PACRG: variants seen among roughly 807,000 people sequenced by gnomAD.
The protein encoded by PACRG is parkin coregulated gene protein.
PACRG carries 29 observed loss-of-function variants against 29.7 expected under a neutral mutation model. The ratio of observed to expected loss-of-function variants is 0.98; its 90% CI spans 0.73 to 1.33. The LOEUF (loss-of-function observed/expected upper bound fraction) is 1.33, where lower values mean the gene tolerates loss of function less well. PACRG is among the 40% of genes most tolerant of loss of function. The pLI, the probability that PACRG is intolerant of heterozygous loss-of-function variation, is 0.00. For missense variants in PACRG, 279 were observed against 316.2 expected (o/e 0.88, Z 0.89); for synonymous variants, 116 against 118.7 (o/e 0.98, Z 0.15).
intron 4 of PACRG, among the ~76,000 whole-genome samples, chr6:163,093,790 T>C (rs1814326677): frequency 6.6e-6 from 1 of 152,222 alleles, no homozygotes; most frequent in African/African-American, 2.4e-5. Flanking sequence ...ATTGCTTGGC[T>C]TTATCTAAGA....
intron 4 of PACRG, among the ~76,000 whole-genome samples, chr6:163,313,240 C>T (rs776405528): frequency 5.9e-5 from 9 of 152,022 alleles, no homozygotes; most frequent in Non-Finnish European, 1.2e-4. Context: ...ATCACAATGG[C>T]TTTGTGAACC....
intron 3 of PACRG, among the ~76,000 whole-genome samples, chr6:163,067,344 G>A (rs12207500): frequency 6.6e-6 from 1 of 152,254 alleles, no homozygotes; most frequent in South Asian, 2.1e-4. Flanking sequence ...CTGGACACGA[G>A]AGCCAGGCGT....
intron 4 of PACRG, among the ~76,000 whole-genome samples, chr6:163,153,334 C>G (rs528656783): frequency 6.6e-5 from 10 of 152,284 alleles, no homozygotes; most frequent in African/African-American, 2.4e-4. Flanking sequence ...CCTGGATCCC[C>G]CTGAGCATTT....
At chr6:163,179,406 A>T in intron 4 of PACRG, 1 of 293,786 alleles carries the variant, frequency 3.4e-6, no homozygotes, top group East Asian at 9.0e-5. Flanking sequence ...AAAAAAAAAA[A>T]AAAAAACTTC....
chr6:163,220,284 G>A lies in PACRG; in HGVS notation c.614-94543G>A, dbSNP rs372766334. ...ATTATGCTCATGCTCACAAAGCCTC[G>A]TCTGTGAGTTTTTCCATACATTGTC... On this transcript the variant is annotated intron_variant, in intron 4 of 4. Coordinates refer to ENST00000366888, the MANE Select transcript of PACRG (RefSeq NM_001080379.2). 1.5e-3 allele frequency among the ~76,000 whole-genome samples: 233 copies of A among 152,254 alleles called. 6 individuals carry two copies. The South Asian group carries it at 0.046, about 30-fold the overall frequency.
At chr6:163,133,659 G>A (rs372189081) in intron 4 of PACRG, among the ~76,000 whole-genome samples, 113 of 152,284 alleles carry the variant, frequency 7.4e-4, no homozygotes, top group African/African-American at 2.5e-3. Flanking sequence ...GCAGGGCTGG[G>A]CTGCGAAGCT....
intron 4 of PACRG, among the ~76,000 whole-genome samples, chr6:163,226,935 G>C (rs760855398): frequency 6.6e-6 from 1 of 152,198 alleles, no homozygotes; most frequent in Non-Finnish European, 1.5e-5. Context: ...TAAGTGTGAT[G>C]AGTAGGATTT....
intron 4 of PACRG, among the ~76,000 whole-genome samples, chr6:163,269,110 T>G (rs147470669): frequency 1.3e-5 from 2 of 152,170 alleles, no homozygotes; most frequent in African/African-American, 2.4e-5. Flanking sequence ...TAGTAAGACA[T>G]CTGCAAGACC....
chr6:162,919,683 C>G (rs985635558), intron 2 of PACRG, among the ~76,000 whole-genome samples: 1 of 152,056 alleles, frequency 6.6e-6, no homozygotes, highest in Non-Finnish European at 1.5e-5. Context: ...TTGAATGAAT[C>G]AATATTAATT....
intron 4 of PACRG, among the ~76,000 whole-genome samples, chr6:163,172,270 AC>A (rs1475219577): frequency 6.6e-6 from 1 of 152,096 alleles, no homozygotes; most frequent in Non-Finnish European, 1.5e-5. Context: ...AGACATTTCC[AC>A]CCCCTCAACC....
chr6:163,062,111 G>A (rs1428701043), intron 2 of PACRG, 39 bp from the exon 3 acceptor site: 3 of 1,605,202 alleles, frequency 1.9e-6, no homozygotes, highest in Non-Finnish European at 2.6e-6. Flanking sequence ...CTGCCCGAAT[G>A]CTGTTTTCAC....
chr6:163,140,359 TAG>T (rs1817103623), intron 4 of PACRG, among the ~76,000 whole-genome samples: 1 of 151,984 alleles, frequency 6.6e-6, no homozygotes. Flanking sequence ...CTCCATGGGG[TAG>T]AGAGGATGAG....
At chr6:162,932,911 G>C (rs1244054555) in intron 2 of PACRG, among the ~76,000 whole-genome samples, 1 of 151,360 alleles carries the variant, frequency 6.6e-6, no homozygotes, top group Non-Finnish European at 1.5e-5. Flanking sequence ...TTTGGGTTTA[G>C]CTTTTTTTTT....
chr6:163,103,021 G>A (rs1815187186), intron 4 of PACRG, among the ~76,000 whole-genome samples: 1 of 152,182 alleles, frequency 6.6e-6, no homozygotes, highest in Non-Finnish European at 1.5e-5. Flanking sequence ...TTTGCTGAAT[G>A]GGTGGATGGA....
At chr6:162,774,402 G>A (rs1783479511) in intron 1 of PACRG, among the ~76,000 whole-genome samples, 1 of 152,136 alleles carries the variant, frequency 6.6e-6, no homozygotes, top group African/African-American at 2.4e-5. Flanking sequence ...CTTTAGATAT[G>A]TTCATAAATC....
At chr6:163,261,302 T>G (rs1372563498) in intron 4 of PACRG, among the ~76,000 whole-genome samples, 4 of 152,156 alleles carry the variant, frequency 2.6e-5, no homozygotes, top group Non-Finnish European at 5.9e-5. Flanking sequence ...AGTGCAGGTT[T>G]GTTACATAGG....
Position 162,728,389 on chromosome 6 carries a change from G to C in PACRG, c.154G>C (p.Val52Leu). 6.2e-7 allele frequency: 1 copy of C among 1,611,348 alleles called. No individual in the cohort carries two copies. The highest frequency in any genetic ancestry group is 8.5e-7 in the Non-Finnish European group (1 of 1,179,912). Residue 52 changes from valine (V) to leucine (L), a missense_variant and splice_region_variant, in exon 1 of 5, where the codon GTC (valine) becomes CTC (leucine). Coordinates refer to ENST00000366888, the MANE Select transcript of PACRG (RefSeq NM_001080379.2). ...FTVKAMMKNS[V>L]VRGPPAAGAF... ...AGTCAAAGCCATGATGAAAAACTCAGTCGTAAGTGATCTTCCTGAATTAAA... is the reference window on the plus strand; with the variant it reads ...AGTCAAAGCCATGATGAAAAACTCACTCGTAAGTGATCTTCCTGAATTAAA...
chr6:162,814,699 A>T lies in PACRG; in HGVS notation c.291+418A>T, dbSNP rs554402838. Reference sequence around the variant, plus strand: ...TAATTACCTAAATGGATAGGTCAAGATTGTCTGCTCCCTGGAAATGCAGAG... The same window carrying T: ...TAATTACCTAAATGGATAGGTCAAGTTTGTCTGCTCCCTGGAAATGCAGAG... On this transcript the variant is annotated intron_variant, in intron 2 of 4. Coordinates refer to ENST00000366888, the MANE Select transcript of PACRG (RefSeq NM_001080379.2). Among the ~76,000 whole-genome samples the T allele has an allele frequency of 1.2e-4, 19 of 152,176 alleles. No homozygotes were observed. In the East Asian group the frequency reaches 2.9e-3, roughly 23 times the overall value.
chr6:162,950,987 T>A (rs1245808353), intron 2 of PACRG, among the ~76,000 whole-genome samples: 3 of 152,234 alleles, frequency 2.0e-5, no homozygotes, highest in Non-Finnish European at 4.4e-5. Flanking sequence ...GTTTAATTTG[T>A]CTCTGAATAT....
Sources: gnomAD v4.1 joint callset for allele counts (sites outside exome capture counted in the v4.1 genomes callset) on GRCh38, gnomAD v4.1.1 for gene constraint, MANE v1.5 for transcripts, NCBI Gene and HGNC (gene_info 2026-07-23, HGNC 2026-07-21) for gene names.